Variants in PALM2AKAP2 observed in about 807,000 individuals in gnomAD.
PALM2AKAP2 encodes the protein PALM2-AKAP2 fusion protein.
A neutral mutation model predicts 71.5 loss-of-function variants in PALM2AKAP2; 37 were observed. The observed-to-expected ratio is 0.52, with a 90% confidence interval of 0.40 to 0.68. The LOEUF (loss-of-function observed/expected upper bound fraction) is 0.68, where lower values mean the gene tolerates loss of function less well. Ranked by LOEUF, PALM2AKAP2 falls within the 30% of genes least tolerant of loss-of-function variation. The probability of loss-of-function intolerance (pLI) is 0.00; values close to 1 mark genes in which losing one functional copy is unlikely to be tolerated. For missense variants in PALM2AKAP2, 1,224 were observed against 1,191.8 expected, an observed-to-expected ratio of 1.03 and a Z score of -0.40; for synonymous variants, 468 against 478.8, an observed-to-expected ratio of 0.98 and a Z score of 0.29.
At chr9:109,853,099 G>A (rs1829064893) in intron 1 of PALM2AKAP2, among the ~76,000 whole-genome samples, 1 of 152,118 alleles carries the variant, frequency 6.6e-6, no homozygotes, top group Non-Finnish European at 1.5e-5. Flanking sequence ...GGGGGATCTA[G>A]GGGCAAGTTA....
At chr9:109,716,316 A>ATCCAGATAAATAGATAGATAAACTCTATG (rs1828318328) in intron 1 of PALM2AKAP2, among the ~76,000 whole-genome samples, 2 of 152,200 alleles carry the variant, frequency 1.3e-5, no homozygotes, top group Non-Finnish European at 2.9e-5. Flanking sequence ...TGGCCACTGA[A>ATCCAGATAAATAGATAGATAAACTCTATG]TCCAGATAAA....
intron 1 of PALM2AKAP2, among the ~76,000 whole-genome samples, chr9:109,762,245 T>C (rs371983642): frequency 1.3e-3 from 201 of 152,290 alleles, no homozygotes; most frequent in African/African-American, 4.5e-3. Context: ...TGGGAAGTTT[T>C]TGATCTTTTG....
intron 3 of PALM2AKAP2, among the ~76,000 whole-genome samples, chr9:110,166,553 C>T (rs1374027783): frequency 6.6e-6 from 1 of 152,220 alleles, no homozygotes; most frequent in Non-Finnish European, 1.5e-5. Context: ...GCATGCTTTC[C>T]TCCTACTAAT....
intron 1 of PALM2AKAP2, among the ~76,000 whole-genome samples, chr9:109,752,872 C>G (rs1190402927): frequency 1.3e-5 from 2 of 151,988 alleles, no homozygotes; most frequent in Non-Finnish European, 2.9e-5. Context: ...AAGATGAGGT[C>G]CTGAACATAA....
chr9:110,007,160 A>G (rs1008225911), intron 6 of PALM2AKAP2, among the ~76,000 whole-genome samples: 3 of 152,148 alleles, frequency 2.0e-5, no homozygotes, highest in Non-Finnish European at 4.4e-5. Context: ...CCATCTTGGG[A>G]CATCAGAGAA....
At chr9:109,961,775 A>G (rs1333061536) in intron 6 of PALM2AKAP2, among the ~76,000 whole-genome samples, 1 of 152,230 alleles carries the variant, frequency 6.6e-6, no homozygotes, top group East Asian at 1.9e-4. Context: ...CTGAAGGATC[A>G]GAGTGTTGTA....
rs372457013 is a variant in PALM2AKAP2 at position 110,012,225 on chromosome 9, G to A, written c.497-3729G>A. 8.7e-4 allele frequency among the ~76,000 whole-genome samples: 133 copies of A among 152,170 alleles called. 1 individual carries two copies. Among genetic ancestry groups the A allele is most frequent in the African/African-American group, 3.1e-3 (128 of 41,514 alleles). Reference sequence around the variant, plus strand: ...TGAGAATTGCTTGTGCCTGAGAGGCGGAGGTTTCAGTGAGCCGAGATAGTG... The same window carrying A: ...TGAGAATTGCTTGTGCCTGAGAGGCAGAGGTTTCAGTGAGCCGAGATAGTG... On this transcript the variant is annotated intron_variant, in intron 6 of 9. Coordinates refer to the PALM2AKAP2 transcript ENST00000302798.
At chr9:109,772,651 C>G (rs1208040393) in intron 1 of PALM2AKAP2, among the ~76,000 whole-genome samples, 1 of 152,248 alleles carries the variant, frequency 6.6e-6, no homozygotes, top group Non-Finnish European at 1.5e-5. Flanking sequence ...GGGGAAATCA[C>G]TGGAGTGACT....
At chr9:109,679,441 T>C (rs1251034429) in intron 1 of PALM2AKAP2, among the ~76,000 whole-genome samples, 1 of 152,182 alleles carries the variant, frequency 6.6e-6, no homozygotes, top group Non-Finnish European at 1.5e-5. Flanking sequence ...AAATTGCCAC[T>C]TCCCTTTTAA....
At chr9:109,930,907 CAG>C (rs1831086291) in intron 5 of PALM2AKAP2, among the ~76,000 whole-genome samples, 1 of 152,096 alleles carries the variant, frequency 6.6e-6, no homozygotes, top group African/African-American at 2.4e-5. Flanking sequence ...AGCAGGTGAG[CAG>C]AGATACAAGG....
At chr9:110,156,277 G>A (rs766684994) in intron 2 of PALM2AKAP2, 42 bp from the exon 9 acceptor site, 105 of 1,496,990 alleles carry the variant, frequency 7.0e-5, no homozygotes, top group Non-Finnish European at 9.3e-5. Context: ...GCAGTCATGA[G>A]CAGACAAGCT....
intron 1 of PALM2AKAP2, among the ~76,000 whole-genome samples, chr9:110,054,777 G>A (rs571045070): frequency 2.8e-4 from 42 of 152,082 alleles, no homozygotes; most frequent in Non-Finnish European, 5.4e-4. Context: ...TCACTACATC[G>A]ACCAAGCTGG....
intron 3 of PALM2AKAP2, among the ~76,000 whole-genome samples, chr9:109,891,022 C>T (rs1830077256): frequency 6.6e-6 from 1 of 152,176 alleles, no homozygotes; most frequent in Non-Finnish European, 1.5e-5. Context: ...TGTGAAATTA[C>T]AGGGACATTC....
intron 1 of PALM2AKAP2, among the ~76,000 whole-genome samples, chr9:110,093,469 CAATTGACCAAA>C (rs1460265456): frequency 6.6e-6 from 1 of 152,154 alleles, no homozygotes; most frequent in African/African-American, 2.4e-5. Context: ...CAGAGATTGG[CAATTGACCAAA>C]AATTTAGCAA....
chr9:109,926,268 C>T (rs1282184431), intron 5 of PALM2AKAP2, among the ~76,000 whole-genome samples: 2 of 152,064 alleles, frequency 1.3e-5, no homozygotes, highest in Admixed American at 6.5e-5. Flanking sequence ...ACAAACAAAC[C>T]TGTGATTTTT....
At chr9:109,782,524 G>A (rs555985737) in intron 1 of PALM2AKAP2, among the ~76,000 whole-genome samples, 7 of 152,198 alleles carry the variant, frequency 4.6e-5, no homozygotes, top group South Asian at 4.2e-4. Context: ...AACTGTTTAC[G>A]TCGCATTTAC....
intron 1 of PALM2AKAP2, among the ~76,000 whole-genome samples, chr9:110,119,188 C>G (rs1027500428): frequency 6.6e-6 from 1 of 151,700 alleles, no homozygotes; most frequent in African/African-American, 2.4e-5. Context: ...ACTAAAAATA[C>G]AAAAATTAGC....
chr9:110,141,354 G>C (rs1836023427), intron 2 of PALM2AKAP2, among the ~76,000 whole-genome samples: 1 of 152,090 alleles, frequency 6.6e-6, no homozygotes, highest in African/African-American at 2.4e-5. Flanking sequence ...TTCCAATCTT[G>C]ATGTCGTATT....
At position 109,921,245 on chromosome 9, in the gene PALM2AKAP2, G is replaced by A. The variant is rs148043556; in HGVS notation, c.258-2490G>A. ...CTTTTTAAATTCATTCAATGTAGGT[G>A]TATTGAGCATTTGTGCCCTCTGTCT... On this transcript the variant is annotated intron_variant, in intron 3 of 9. Coordinates refer to the PALM2AKAP2 transcript ENST00000302798. Among the ~76,000 whole-genome samples, 181 of 152,246 alleles carry A rather than the reference G, an allele frequency of 1.2e-3. 2 individuals are homozygous for A. Among genetic ancestry groups the A allele is most frequent in the African/African-American group, 4.1e-3 (172 of 41,542 alleles).
Sources: allele counts gnomAD v4.1 joint callset (sites outside exome capture counted in the v4.1 genomes callset), GRCh38; gene constraint gnomAD v4.1.1; transcripts MANE v1.5; gene names NCBI Gene and HGNC (gene_info 2026-07-23, HGNC 2026-07-21).